The following DNAH12 variants were observed in gnomAD, a reference collection of about 807,000 sequenced individuals.
The protein encoded by DNAH12 is axonemal beta dynein heavy chain 12.
A neutral mutation model predicts 371.5 loss-of-function variants in DNAH12; 285 were observed. The ratio of observed to expected loss-of-function variants is 0.77; its 90% confidence interval spans 0.70 to 0.85. The LOEUF (loss-of-function observed/expected upper bound fraction) is 0.85, where lower values mean the gene tolerates loss of function less well. Among genes scored for constraint, DNAH12 ranks in the 40% least tolerant of loss-of-function variants. The pLI is 0.00. For synonymous variants in DNAH12, 1,200 were observed against 1,213.0 expected (o/e 0.99, Z 0.22); for missense variants, 3,611 against 3,689.4 (o/e 0.98, Z 0.55).
intron 57 of DNAH12, among the ~76,000 whole-genome samples, chr3:57,365,805 C>G (rs2153332191): frequency 6.6e-6 from 1 of 151,432 alleles, no homozygotes; most frequent in South Asian, 2.1e-4. Context: ...GTTTTATATG[C>G]TGCTTTTTCC....
At chr3:57,362,242 A>G (rs2062953839) in intron 58 of DNAH12, among the ~76,000 whole-genome samples, 1 of 152,196 alleles carries the variant, frequency 6.6e-6, no homozygotes, top group Non-Finnish European at 1.5e-5. Context: ...TATATGTGCC[A>G]CATTTTCTTA....
intron 22 of DNAH12, among the ~76,000 whole-genome samples, chr3:57,456,420 G>C (rs1217385885): frequency 6.6e-6 from 1 of 152,132 alleles, no homozygotes; most frequent in Non-Finnish European, 1.5e-5. Flanking sequence ...CTTTACAACT[G>C]CTCATTTGTG....
At chr3:57,296,598 G>C (rs1056900183) in intron 71 of DNAH12, among the ~76,000 whole-genome samples, 163 bp from the exon 72 acceptor site, 1 of 152,116 alleles carries the variant, frequency 6.6e-6, no homozygotes, top group African/African-American at 2.4e-5. Context: ...AAGTATAAAA[G>C]TACTTCTTTT....
chr3:57,314,082 G>A (rs1691987278), intron 66 of DNAH12, among the ~76,000 whole-genome samples: 1 of 152,160 alleles, frequency 6.6e-6, no homozygotes, highest in Non-Finnish European at 1.5e-5. Context: ...AGCTGTTTCT[G>A]TTGATTGATA....
intron 62 of DNAH12, among the ~76,000 whole-genome samples, chr3:57,325,235 C>CA (rs2061911598): frequency 6.6e-6 from 1 of 152,230 alleles, no homozygotes; most frequent in African/African-American, 2.4e-5. Context: ...CCCCAGCACG[C>CA]AGCTGGAGAT....
rs1553681963 is a variant in DNAH12 at position 57,408,425 on chromosome 3, T to C, written c.6131A>G (p.His2044Arg). The C allele has an allele frequency of 6.4e-7, 1 of 1,551,556 alleles. No homozygotes were observed. Among genetic ancestry groups the C allele is most frequent in the Non-Finnish European group, 8.7e-7 (1 of 1,146,906 alleles). ...RNPVTPRCIR[H>R]FNICSINSFS... The stretch of plus-strand genomic sequence containing the variant: ...AGAATTAATACTGCAGATGTTGAAA[T>C]GTCGAATACAACGGGGAGTAACTGG... Residue 2044 changes from histidine to arginine, a missense_variant, in exon 40 of 74, where the codon CAT becomes CGT. Physicochemically the swap from His to Arg is conservative, Grantham distance 29. Around this residue, in one of 3 missense-constraint regions of DNAH12, gnomAD observed 2,266 missense variants for 2,236.9 expected, o/e 1.01. Coordinates refer to ENST00000495027, the MANE Select transcript of DNAH12 (RefSeq NM_001366028.2).
At chr3:57,320,569 T>TC (rs2061782954) in intron 65 of DNAH12, among the ~76,000 whole-genome samples, 1 of 152,186 alleles carries the variant, frequency 6.6e-6, no homozygotes, top group African/African-American at 2.4e-5. Context: ...CGAAAGGCAT[T>TC]CCAGCTATTT....
intron 12 of DNAH12, among the ~76,000 whole-genome samples, chr3:57,488,217 G>A (rs2066999174): frequency 6.6e-6 from 1 of 152,024 alleles, no homozygotes; most frequent in African/African-American, 2.4e-5. Context: ...TTTTGAGATG[G>A]AGTCTCGCAC....
intron 13 of DNAH12, among the ~76,000 whole-genome samples, chr3:57,476,418 G>C (rs1020451062): frequency 4.6e-5 from 7 of 152,066 alleles, no homozygotes; most frequent in Admixed American, 1.3e-4. Context: ...ACAAAAATTA[G>C]CCAGGCGTGG....
chr3:57,435,002 C>T (rs2065074256), intron 30 of DNAH12, among the ~76,000 whole-genome samples: 1 of 152,032 alleles, frequency 6.6e-6, no homozygotes. Context: ...AACCTTTAAA[C>T]AAAAATCTAT....
rs1162931410 is a variant in DNAH12 at position 57,378,048 on chromosome 3, A to C, written c.8224-826T>G. Among the ~76,000 whole-genome samples, 3 of 152,196 alleles carry C rather than the reference A, an allele frequency of 2.0e-5. No homozygotes were observed. In the East Asian group the frequency reaches 5.8e-4, roughly 29 times the overall value. On this transcript the variant is annotated intron_variant, in intron 52 of 73. Transcript: ENST00000495027. ...GCTTTCTCTCTGCTGCACTGAAATC[A>C]TGAAAGAAAATGTGTTAAATAAGTA...
chr3:57,529,476 G>C (rs1048049044), intron 2 of DNAH12, among the ~76,000 whole-genome samples: 1 of 152,076 alleles, frequency 6.6e-6, no homozygotes, highest in Non-Finnish European at 1.5e-5. Context: ...GGTTGTATTT[G>C]TCTACAAATG....
the DNAH12 span, among the ~76,000 whole-genome samples, chr3:57,554,152 C>T: frequency 8.7e-6 from 1 of 114,568 alleles, no homozygotes; most frequent in African/African-American, 4.7e-5. Context: ...CCAGACATGG[C>T]AGTGCACACC....
intron 19 of DNAH12, 68 bp from the exon 20 acceptor site, chr3:57,459,854 A>G: frequency 8.5e-7 from 1 of 1,177,578 alleles, no homozygotes; most frequent in Non-Finnish European, 1.1e-6. Context: ...AGCAAGGAAA[A>G]TACATTTTAA....
At chr3:57,508,187 G>A (rs1226653639) in intron 7 of DNAH12, among the ~76,000 whole-genome samples, 195 bp downstream of exon 7, 12 of 110,414 alleles carry the variant, frequency 1.1e-4, no homozygotes, top group African/African-American at 3.3e-4. Context: ...ACTCCATCAC[G>A]GGAAAAAAAA....
chr3:57,432,142 A>G (rs1258455048), intron 32 of DNAH12, among the ~76,000 whole-genome samples: 1 of 147,466 alleles, frequency 6.8e-6, no homozygotes, highest in Non-Finnish European at 1.5e-5. Context: ...ATGACTAACC[A>G]CCTATGATAA....
chr3:57,323,633 A>G lies in DNAH12; in HGVS notation c.9979-14T>C. On this transcript the variant is annotated splice_polypyrimidine_tract_variant and intron_variant, in intron 62 of 73. Transcript: ENST00000495027. Reference sequence around the variant, plus strand: ...AGCTGGGGTTATCTGTTGAAGAGAAAAGATATGATCTTTAGAGCAACTTTT... The same window carrying G: ...AGCTGGGGTTATCTGTTGAAGAGAAGAGATATGATCTTTAGAGCAACTTTT... 6.6e-7 allele frequency: 1 copy of G among 1,518,328 alleles called. No individual in the cohort carries two copies. The highest frequency in any genetic ancestry group is 1.3e-5 in the South Asian group (1 of 77,496). The allele number at this position is 1,518,328 out of a possible 1,614,324, so 94.1% of individuals were successfully genotyped here.
chr3:57,405,961 GA>G lies in DNAH12; in HGVS notation c.6277-10del, dbSNP rs782007913. ...ACAGATTGTTTATATATCTGAATAT[GA>G]AAAAAGCAACAAAGCAAAAATAAAA... On this transcript the variant is annotated splice_polypyrimidine_tract_variant and intron_variant, in intron 40 of 73. Coordinates refer to ENST00000495027, the MANE Select transcript of DNAH12 (RefSeq NM_001366028.2). The G allele has an allele frequency of 4.7e-5, 72 of 1,526,488 alleles. No individual in the cohort carries two copies. The African/African-American group carries it at 9.5e-4, about 20-fold the overall frequency. 94.6% of individuals were successfully genotyped at this position (1,526,488 alleles called of 1,614,324 possible). A position where few individuals can be genotyped will look rare whatever the true frequency, so the allele number is the denominator to read the frequency against.
At chr3:57,420,379 C>T (rs2153360349) in intron 36 of DNAH12, among the ~76,000 whole-genome samples, 1 of 152,272 alleles carries the variant, frequency 6.6e-6, no homozygotes, top group South Asian at 2.1e-4. Flanking sequence ...GTATATGTTA[C>T]ATGTTTGAAT....
Sources: allele counts gnomAD v4.1 joint callset (sites outside exome capture counted in the v4.1 genomes callset), GRCh38; gene constraint gnomAD v4.1.1; regional missense constraint gnomAD v4.1.1; transcripts MANE v1.5; gene names NCBI Gene and HGNC (gene_info 2026-07-23, HGNC 2026-07-21).